Variants in CLK1 observed in about 807,000 individuals in gnomAD.
The protein encoded by CLK1 is dual specificity protein kinase CLK1.
CLK1 carries 40 observed loss-of-function variants against 60.9 expected under a neutral mutation model. The observed-to-expected ratio is 0.66, with a 90% CI of 0.51 to 0.86. CLK1 has a LOEUF of 0.86. Ranked by LOEUF, CLK1 falls within the 40% of genes least tolerant of loss-of-function variation. The pLI, the probability that CLK1 is intolerant of heterozygous loss-of-function variation, is 0.00. For missense variants in CLK1, 563 were observed against 606.1 expected (o/e 0.93, Z 0.75); for synonymous variants, 203 against 184.4 (o/e 1.10, Z -0.82).
chr2:200,857,923 T>C lies in CLK1; in HGVS notation c.666-39A>G, dbSNP rs1251865564. ...AAAAATAGCTAAGTATAGTTGCTCC[T>C]AATTTAAATATACCTGATACCACTT... is the stretch of plus-strand genomic sequence containing the variant. On this transcript the variant is annotated intron_variant, in intron 6 of 12. Transcript: ENST00000321356. The C allele has an allele frequency of 2.5e-6, 4 of 1,611,128 alleles. No homozygotes were observed. The African/African-American group carries it at 5.3e-5, about 22-fold the overall frequency.
chr2:200,857,325 C>CA (rs2039060099), intron 7 of CLK1: 1 of 269,846 alleles, frequency 3.7e-6, no homozygotes, highest in South Asian at 7.2e-5. Flanking sequence ...AAAAACCCAA[C>CA]AAAAAACCTC....
intron 9 of CLK1, 25 bp downstream of exon 9, chr2:200,856,657 T>G: frequency 6.5e-7 from 1 of 1,539,104 alleles, no homozygotes. Flanking sequence ...AATACAAAGG[T>G]TCTCAAAGGA....
chr2:200,856,733 GATGTTCGTC>G lies in CLK1; in HGVS notation c.997_1005del (p.Asp333_His335del). On this transcript the variant is annotated inframe_deletion, in exon 9 of 13. Transcript: ENST00000321356. ...TGTCTTGTAGATACCAATGTACTGT[GATGTTCGTC>G]ATCATATGTTGCACTACCAAAGTCT... The G allele has an allele frequency of 6.2e-7, 1 of 1,613,046 alleles. No homozygotes were observed. The highest frequency in any genetic ancestry group is 8.5e-7 in the Non-Finnish European group (1 of 1,179,636).
At chr2:200,854,873 G>A (rs1377649407) in intron 10 of CLK1, 131 bp downstream of exon 10, 5 of 789,132 alleles carry the variant, frequency 6.3e-6, no homozygotes, top group Non-Finnish European at 8.3e-6. Flanking sequence ...AATTATGAAA[G>A]AAATATGAAT....
At chr2:200,861,630 C>CTTA (rs1214392932) in intron 2 of CLK1, 72 bp downstream of exon 2, 86 of 1,577,626 alleles carry the variant, frequency 5.5e-5, no homozygotes, top group Non-Finnish European at 7.1e-5. Context: ...TAATCAGGTA[C>CTTA]TTATTTTAAG....
In CLK1 at chr2:200,856,701, T is replaced by C. The variant is rs1460940058; in HGVS notation, c.1038A>G (p.Arg346=). ...ACTCACCTAAAATAACTTCAGGTGC[T>C]CTATAATGTCTTGTAGATACCAATG... is the stretch of plus-strand genomic sequence containing the variant. ...HSTLVSTRHY[R]APEVILALGW... Residue 346 remains arginine (R), a synonymous_variant, in exon 9 of 13, where the codon AGA becomes AGG. Coordinates refer to ENST00000321356, the MANE Select transcript of CLK1 (RefSeq NM_004071.4). 1 of 1,590,276 alleles carries C rather than the reference T, an allele frequency of 6.3e-7. No individual in the cohort carries two copies. Among genetic ancestry groups the C allele is most frequent in the East Asian group, 2.2e-5 (1 of 44,580 alleles).
At chr2:200,854,326 G>A (rs1395693085) in intron 11 of CLK1, among the ~76,000 whole-genome samples, 1 of 152,014 alleles carries the variant, frequency 6.6e-6, no homozygotes, top group South Asian at 2.1e-4. Context: ...ACAAGGTCAG[G>A]AGATCGAGAC....
chr2:200,859,876 C>A, intron 4 of CLK1, 130 bp from the exon 5 acceptor site: 3 of 1,459,992 alleles, frequency 2.1e-6, no homozygotes, highest in South Asian at 1.5e-5. Flanking sequence ...TTTTATTGGT[C>A]AACACCATCA....
intron 10 of CLK1, 46 bp downstream of exon 10, chr2:200,854,958 A>C: frequency 4.9e-6 from 7 of 1,441,602 alleles, no homozygotes; most frequent in Non-Finnish European, 6.7e-6. Context: ...ATAAACAGGC[A>C]CCTTTCTTGT....
At chr2:200,855,377 C>T (rs1248176136) in intron 9 of CLK1, among the ~76,000 whole-genome samples, 1 of 152,074 alleles carries the variant, frequency 6.6e-6, no homozygotes, top group Non-Finnish European at 1.5e-5. Context: ...AATCCCAGCC[C>T]TTTGGGAGGC....
intron 9 of CLK1, among the ~76,000 whole-genome samples, chr2:200,855,640 T>C (rs2039027911): frequency 7.0e-6 from 1 of 143,046 alleles, no homozygotes; most frequent in African/African-American, 2.6e-5. Context: ...CAAAAAATTA[T>C]ATATATACAC....
Position 200,856,689 on chromosome 2 carries a change from A to T in CLK1, c.1050T>A (p.Val350=). 1 of 1,576,084 alleles carries T rather than the reference A, an allele frequency of 6.3e-7. No individual in the cohort carries two copies. Among genetic ancestry groups the T allele is most frequent in the Non-Finnish European group, 8.6e-7 (1 of 1,163,908 alleles). The change falls in exon 9 of 13, where the codon GTT becomes GTA. Residue 350 remains valine, a synonymous_variant. Coordinates refer to ENST00000321356, the MANE Select transcript of CLK1 (RefSeq NM_004071.4). ...AGGACAATTAATACTCACCTAAAAT[A>T]ACTTCAGGTGCTCTATAATGTCTTG... ...VSTRHYRAPE[V]ILALGWSQPC... is the part of the protein sequence containing the mutation.
chr2:200,860,035 G>A, intron 4 of CLK1, 90 bp downstream of exon 4: 5 of 1,508,556 alleles, frequency 3.3e-6, no homozygotes, highest in South Asian at 1.3e-5. Context: ...AAAAGAGAAA[G>A]AAAAAAAGAT....
Position 200,859,665 on chromosome 2 carries a change from A to G in CLK1, c.548+15T>C. ...GCCAACTTCCCTAAAAGTAATCCCA[A>G]CATGGGAAACTTACGCTTTATGATC... On this transcript the variant is annotated intron_variant, in intron 5 of 12. Coordinates refer to ENST00000321356, the MANE Select transcript of CLK1 (RefSeq NM_004071.4). The G allele has an allele frequency of 6.2e-7, 1 of 1,608,692 alleles. No homozygotes were observed. The highest frequency in any genetic ancestry group is 8.5e-7 in the Non-Finnish European group (1 of 1,176,828).
chr2:200,854,166 A>G, intron 11 of CLK1, 173 bp from the exon 12 acceptor site: 1 of 500,620 alleles, frequency 2.0e-6, no homozygotes. Flanking sequence ...TAACTGAAAA[A>G]ATATTAGTTT....
intron 3 of CLK1, chr2:200,860,691 A>C: frequency 3.0e-6 from 3 of 996,246 alleles, no homozygotes; most frequent in Non-Finnish European, 3.6e-6. Flanking sequence ...AATTTTGGGG[A>C]AAAAAAGATT....
At chr2:200,863,771 T>A (rs1180833822) in intron 1 of CLK1, among the ~76,000 whole-genome samples, 1 of 151,990 alleles carries the variant, frequency 6.6e-6, no homozygotes, top group African/African-American at 2.4e-5. Context: ...GGAGAATCGC[T>A]TGAACCCGGG....
At chr2:200,861,924 G>GC in intron 1 of CLK1, 62 bp from the exon 2 acceptor site, 1 of 1,483,576 alleles carries the variant, frequency 6.7e-7, no homozygotes, top group East Asian at 2.3e-5. Context: ...TTTAAAATTC[G>GC]TAATTACAAA....
Position 200,861,390 on chromosome 2 carries a change from A to T in CLK1, c.238T>A (p.Tyr80Asn), listed in dbSNP as rs1332538377. 3 of 1,614,066 alleles carry T rather than the reference A, an allele frequency of 1.9e-6. No homozygotes were observed. The highest frequency in any genetic ancestry group is 1.1e-5 in the South Asian group (1 of 91,088). ...TGTCCAGGTTCACATCCTTGAGTGT[A>T]GTCATTTCTGTACTCATCAATGTAG... is the stretch of plus-strand genomic sequence containing the variant. The part of the protein sequence containing the change: ...RRYIDEYRND[Y>N]TQGCEPGHRQ... The change falls in exon 3 of 13, where the codon TAC becomes AAC. Residue 80 changes from tyrosine (Y) to asparagine (N), a missense_variant. Transcript: ENST00000321356.
Sources: allele counts gnomAD v4.1 joint callset (sites outside exome capture counted in the v4.1 genomes callset), GRCh38; gene constraint gnomAD v4.1.1; transcripts MANE v1.5; gene names NCBI Gene and HGNC (gene_info 2026-07-23, HGNC 2026-07-21).